CHRM3: variants seen among roughly 807,000 people sequenced by gnomAD.
CHRM3 encodes the protein cholinergic receptor muscarinic 3, also known as muscarinic acetylcholine receptor M3.
Under a neutral mutation model 41.8 loss-of-function variants are expected in CHRM3, and 11 were observed. That is an observed-to-expected ratio of 0.26 (90% CI 0.17 to 0.44). The LOEUF is 0.44. CHRM3 is among the 20% of genes least tolerant of loss of function. The pLI, the probability that CHRM3 is intolerant of heterozygous loss-of-function variation, is 1.00. For missense variants in CHRM3, 571 were observed against 745.4 expected, an observed-to-expected ratio of 0.77 and a Z score of 2.72; for synonymous variants, 297 against 301.4, an observed-to-expected ratio of 0.99 and a Z score of 0.15.
intron 6 of CHRM3, among the ~76,000 whole-genome samples, chr1:239,846,451 T>C (rs1674270470): frequency 1.3e-5 from 2 of 152,188 alleles, no homozygotes; most frequent in Non-Finnish European, 2.9e-5. Context: ...ACAGAAAGGA[T>C]TCTCGGTCTA....
At chr1:239,631,448 A>G (rs1411282275) in intron 3 of CHRM3, among the ~76,000 whole-genome samples, 2 of 152,166 alleles carry the variant, frequency 1.3e-5, no homozygotes, top group African/African-American at 2.4e-5. Flanking sequence ...TCCTCCTTTA[A>G]AAAATTCAAT....
rs1216664994 is a variant in CHRM3 at position 239,906,180 on chromosome 1, T to C, written c.-19-1253T>C. ...GCCAGAAAGCCTTTCCAGAAGTCTC[T>C]GTGTGAATCTGACTACTGCTTTGAG... On this transcript the variant is annotated intron_variant, in intron 6 of 6. Coordinates refer to ENST00000676153, the MANE Select transcript of CHRM3 (RefSeq NM_001375978.1). Among the ~76,000 whole-genome samples the C allele has an allele frequency of 3.9e-5, 6 of 152,336 alleles. No individual in the cohort carries two copies. The East Asian group carries it at 9.6e-4, about 24-fold the overall frequency.
At chr1:239,881,765 C>A (rs6686826) in intron 6 of CHRM3, among the ~76,000 whole-genome samples, 2,442 of 152,104 alleles carry the variant, frequency 0.016, 65 homozygotes, top group African/African-American at 0.055. Context: ...TAATTTCTAC[C>A]CTTTTGTGGT....
chr1:239,857,075 A>C (rs893620566), intron 6 of CHRM3, among the ~76,000 whole-genome samples: 2 of 152,218 alleles, frequency 1.3e-5, no homozygotes, highest in African/African-American at 4.8e-5. Context: ...AACAAGCAGC[A>C]TTCAAGAGTC....
At chr1:239,791,678 CAGAG>C (rs1669362110) in intron 5 of CHRM3, among the ~76,000 whole-genome samples, 2 of 152,118 alleles carry the variant, frequency 1.3e-5, no homozygotes, top group Admixed American at 1.3e-4. Flanking sequence ...TCTGCCAGCT[CAGAG>C]AGCTTGAGAA....
chr1:239,687,987 C>T (rs1659312375), intron 5 of CHRM3, among the ~76,000 whole-genome samples: 1 of 151,914 alleles, frequency 6.6e-6, no homozygotes, highest in African/African-American at 2.4e-5. Flanking sequence ...TATGTTCTTA[C>T]CACCATCAAA....
At chr1:239,672,030 C>G (rs951740374) in intron 4 of CHRM3, among the ~76,000 whole-genome samples, 1 of 152,078 alleles carries the variant, frequency 6.6e-6, no homozygotes, top group East Asian at 1.9e-4. Context: ...AATTTTATCC[C>G]AGAGAATGAA....
intron 5 of CHRM3, among the ~76,000 whole-genome samples, chr1:239,760,957 TTATC>T (rs1395518665): frequency 6.9e-6 from 1 of 145,082 alleles, no homozygotes; most frequent in East Asian, 2.1e-4. Flanking sequence ...TTCAGATATC[TTATC>T]TGTTTTCCTC....
intron 4 of CHRM3, among the ~76,000 whole-genome samples, chr1:239,646,254 C>T (rs920002880): frequency 9.2e-5 from 14 of 152,168 alleles, no homozygotes; most frequent in African/African-American, 3.4e-4. Context: ...TATATGTTCT[C>T]GAGACAGACC....
chr1:239,821,129 C>T (rs781034047), intron 5 of CHRM3, among the ~76,000 whole-genome samples: 4 of 152,072 alleles, frequency 2.6e-5, no homozygotes, highest in Non-Finnish European at 5.9e-5. Context: ...GTGGCCATCC[C>T]AAAGCTAGAA....
At chr1:239,817,847 C>G (rs1450548484) in intron 5 of CHRM3, among the ~76,000 whole-genome samples, 2 of 152,130 alleles carry the variant, frequency 1.3e-5, no homozygotes, top group African/African-American at 4.8e-5. Flanking sequence ...ACCCCTTGTT[C>G]ACATGTCAGG....
intron 6 of CHRM3, among the ~76,000 whole-genome samples, chr1:239,882,471 G>A (rs1402952741): frequency 2.0e-5 from 3 of 151,984 alleles, no homozygotes; most frequent in Non-Finnish European, 2.9e-5. Context: ...TACTTTTAAC[G>A]TCTTTTAATC....
intron 2 of CHRM3, among the ~76,000 whole-genome samples, chr1:239,510,764 G>T (rs1337376432): frequency 6.6e-6 from 1 of 151,840 alleles, no homozygotes; most frequent in South Asian, 2.1e-4. Flanking sequence ...TTGAACTCCC[G>T]ACCTCAGCTG....
intron 4 of CHRM3, among the ~76,000 whole-genome samples, chr1:239,669,731 C>T (rs968218198): frequency 3.3e-5 from 5 of 152,138 alleles, no homozygotes; most frequent in African/African-American, 1.2e-4. Flanking sequence ...TTCTAATATA[C>T]TAATTATAAT....
chr1:239,586,303 G>A (rs1663395278), intron 3 of CHRM3, among the ~76,000 whole-genome samples: 1 of 151,872 alleles, frequency 6.6e-6, no homozygotes. Flanking sequence ...TGTTAGCTCT[G>A]GAATTACACC....
chr1:239,548,721 G>C (rs1162145808), intron 3 of CHRM3, among the ~76,000 whole-genome samples: 3 of 152,202 alleles, frequency 2.0e-5, no homozygotes, highest in Non-Finnish European at 2.9e-5. Flanking sequence ...CTGGGTGAGA[G>C]ATGCCCATGG....
At chr1:239,461,109 G>A (rs1665324245) in intron 1 of CHRM3, among the ~76,000 whole-genome samples, 1 of 152,182 alleles carries the variant, frequency 6.6e-6, no homozygotes, top group African/African-American at 2.4e-5. Flanking sequence ...CTTGATTCAA[G>A]AATGAGATTT....
At chr1:239,708,564 G>A (rs1281746811) in intron 5 of CHRM3, among the ~76,000 whole-genome samples, 1 of 151,830 alleles carries the variant, frequency 6.6e-6, no homozygotes, top group Non-Finnish European at 1.5e-5. Context: ...TCTAAACCCC[G>A]CATCTCCTTT....
chr1:239,661,118 C>T (rs1177249111), intron 4 of CHRM3, among the ~76,000 whole-genome samples: 1 of 152,154 alleles, frequency 6.6e-6, no homozygotes, highest in Non-Finnish European at 1.5e-5. Flanking sequence ...TATCCCAGCA[C>T]CTACCAAGTC....
Sources: gnomAD v4.1 joint callset for allele counts (sites outside exome capture counted in the v4.1 genomes callset) on GRCh38, gnomAD v4.1.1 for gene constraint, MANE v1.5 for transcripts, NCBI Gene and HGNC (gene_info 2026-07-23, HGNC 2026-07-21) for gene names.